The following RAD51B variants were observed in gnomAD, a reference collection of about 807,000 sequenced individuals.
RAD51B encodes RAD51 paralog B.
In RAD51B, 38 loss-of-function variants were observed where a neutral mutation model predicts 42.2. The observed-to-expected ratio is 0.90, with a 90% CI of 0.70 to 1.18. RAD51B has a LOEUF of 1.18. Ranked by LOEUF, RAD51B falls within the 50% of genes most tolerant of loss-of-function variation. The pLI, the probability that RAD51B is intolerant of heterozygous loss-of-function variation, is 0.00. For missense variants in RAD51B, 373 were observed against 400.7 expected (o/e 0.93, Z 0.59); for synonymous variants, 154 against 145.2 (o/e 1.06, Z -0.43).
intron 7 of RAD51B, among the ~76,000 whole-genome samples, chr14:68,291,324 G>T (rs1199932827): frequency 2.0e-5 from 3 of 151,752 alleles, no homozygotes; most frequent in Non-Finnish European, 4.4e-5. Context: ...TCAGCCTCCC[G>T]AGTAGAGTAG....
chr14:67,850,422 G>A (rs1013216155), intron 4 of RAD51B, among the ~76,000 whole-genome samples: 5 of 151,942 alleles, frequency 3.3e-5, no homozygotes, highest in African/African-American at 4.8e-5. Context: ...AGAGTATGTC[G>A]AGTAGGGTCT....
intron 8 of RAD51B, among the ~76,000 whole-genome samples, chr14:68,361,450 C>G (rs1238595062): frequency 6.6e-6 from 1 of 152,164 alleles, no homozygotes; most frequent in Non-Finnish European, 1.5e-5. Context: ...CCAGGAATTT[C>G]AAGAGCCACT....
At chr14:68,087,093 C>T (rs1197471516) in intron 7 of RAD51B, among the ~76,000 whole-genome samples, 1 of 151,506 alleles carries the variant, frequency 6.6e-6, no homozygotes, top group Non-Finnish European at 1.5e-5. Flanking sequence ...CAAGATTGCA[C>T]CATTGCACTC....
At chr14:68,167,045 C>T (rs1184338040) in intron 7 of RAD51B, among the ~76,000 whole-genome samples, 2 of 152,130 alleles carry the variant, frequency 1.3e-5, no homozygotes, top group Non-Finnish European at 1.5e-5. Context: ...AGTCTACTCT[C>T]GATACCATTT....
At chr14:68,173,383 ACT>A (rs2078908738) in intron 7 of RAD51B, among the ~76,000 whole-genome samples, 1 of 152,196 alleles carries the variant, frequency 6.6e-6, no homozygotes. Flanking sequence ...CTGTGGGAAC[ACT>A]CTGGCCTTAG....
Position 68,201,050 on chromosome 14 carries a change from T to C in RAD51B, c.757-90834T>C, listed in dbSNP as rs541840278. On this transcript the variant is annotated intron_variant, in intron 7 of 10. Transcript: ENST00000471583. The stretch of plus-strand genomic sequence containing the variant: ...TCCCTCCCAAAGTCGAAAGTAGTCC[T>C]GATTGCTTTGCTTAAGTAGTAGAGT... 6.4e-4 allele frequency among the ~76,000 whole-genome samples: 97 copies of C among 152,360 alleles called. 1 individual carries two copies. The highest frequency in any genetic ancestry group is 2.3e-3 in the African/African-American group (97 of 41,592).
At chr14:67,827,444 TG>T (rs1381147582) in intron 3 of RAD51B, among the ~76,000 whole-genome samples, 1 of 151,488 alleles carries the variant, frequency 6.6e-6, no homozygotes, top group African/African-American at 2.4e-5. Context: ...ATTTCAGCAC[TG>T]CCCTAAACAC....
intron 7 of RAD51B, among the ~76,000 whole-genome samples, chr14:68,073,439 G>A (rs1459256640): frequency 6.6e-6 from 1 of 152,100 alleles, no homozygotes; most frequent in Admixed American, 6.6e-5. Flanking sequence ...TGGGTCTGTT[G>A]AAGACATTAT....
At chr14:68,473,523 A>G (rs1882274370) in intron 10 of RAD51B, among the ~76,000 whole-genome samples, 1 of 151,212 alleles carries the variant, frequency 6.6e-6, no homozygotes, top group Admixed American at 6.6e-5. Context: ...CTTCTCACAC[A>G]GGCTCTCTGC....
intron 7 of RAD51B, among the ~76,000 whole-genome samples, chr14:67,967,921 C>G (rs2074816431): frequency 6.6e-6 from 1 of 152,244 alleles, no homozygotes; most frequent in Non-Finnish European, 1.5e-5. Context: ...ACTGCCCTAG[C>G]AGAGATTCTC....
chr14:68,174,316 G>A (rs2078925066), intron 7 of RAD51B, among the ~76,000 whole-genome samples: 1 of 151,548 alleles, frequency 6.6e-6, no homozygotes, highest in Admixed American at 6.6e-5. Context: ...GTTCCAGGGT[G>A]TAGTGGAGCT....
intron 8 of RAD51B, among the ~76,000 whole-genome samples, chr14:68,381,414 A>C (rs1029196034): frequency 6.6e-6 from 1 of 152,106 alleles, no homozygotes; most frequent in African/African-American, 2.4e-5. Context: ...GGTGGCTCAC[A>C]CCTGTAATCC....
intron 7 of RAD51B, among the ~76,000 whole-genome samples, chr14:67,987,116 C>T (rs1217090013): frequency 6.6e-6 from 1 of 152,138 alleles, no homozygotes; most frequent in Non-Finnish European, 1.5e-5. Context: ...TACAGGCATA[C>T]AGTGTGTAAT....
intron 7 of RAD51B, among the ~76,000 whole-genome samples, chr14:67,957,648 A>C (rs1437509433): frequency 1.3e-5 from 2 of 152,242 alleles, no homozygotes; most frequent in African/African-American, 4.8e-5. Context: ...TCCAGTCAGA[A>C]GTGAACACCA....
intron 3 of RAD51B, among the ~76,000 whole-genome samples, chr14:67,833,583 T>C (rs2041131300): frequency 1.3e-5 from 2 of 152,160 alleles, no homozygotes; most frequent in Admixed American, 1.3e-4. Flanking sequence ...GCAGGGAGTG[T>C]CTACAGTGTG....
chr14:68,659,729 G>A (rs967085968), intron 11 of RAD51B, among the ~76,000 whole-genome samples: 17 of 152,214 alleles, frequency 1.1e-4, no homozygotes, highest in African/African-American at 4.1e-4. Flanking sequence ...GCGACACATG[G>A]ACGGCAGCTG....
chr14:68,122,398 G>A (rs1810546127), intron 7 of RAD51B, among the ~76,000 whole-genome samples: 1 of 152,130 alleles, frequency 6.6e-6, no homozygotes, highest in Admixed American at 6.5e-5. Flanking sequence ...GACCAGCGAT[G>A]GGTAAAGGAT....
chr14:68,369,829 C>T (rs2083216643), intron 8 of RAD51B, among the ~76,000 whole-genome samples: 1 of 152,196 alleles, frequency 6.6e-6, no homozygotes, highest in Non-Finnish European at 1.5e-5. Context: ...GTGCTACATA[C>T]TATATATCTA....
intron 11 of RAD51B, among the ~76,000 whole-genome samples, chr14:68,676,925 C>T (rs1347936053): frequency 6.6e-6 from 1 of 152,204 alleles, no homozygotes; most frequent in East Asian, 1.9e-4. Flanking sequence ...CAGCGCCACA[C>T]TAGGCTGGGC....
Sources: allele counts gnomAD v4.1 joint callset (sites outside exome capture counted in the v4.1 genomes callset), GRCh38; gene constraint gnomAD v4.1.1; transcripts MANE v1.5; gene names NCBI Gene and HGNC (gene_info 2026-07-23, HGNC 2026-07-21).